Variants in LRRC28 observed in about 807,000 individuals in gnomAD.
The protein encoded by LRRC28 is leucine-rich repeat-containing protein 28.
A neutral mutation model predicts 45.7 loss-of-function variants in LRRC28; 39 were observed. The observed-to-expected ratio is 0.85, with a 90% CI of 0.66 to 1.12. The LOEUF (loss-of-function observed/expected upper bound fraction) is 1.12, where lower values mean the gene tolerates loss of function less well. Ranked by LOEUF, LRRC28 falls within the 50% of genes most tolerant of loss-of-function variation. The probability of loss-of-function intolerance (pLI) is 0.00; values close to 1 mark genes in which losing one functional copy is unlikely to be tolerated. For missense variants in LRRC28, 435 were observed against 438.5 expected, an observed-to-expected ratio of 0.99 and a Z score of 0.07; for synonymous variants, 206 against 178.8, an observed-to-expected ratio of 1.15 and a Z score of -1.22.
intron 1 of LRRC28, among the ~76,000 whole-genome samples, chr15:99,253,758 G>T (rs2080934540): frequency 6.6e-6 from 1 of 152,246 alleles, no homozygotes; most frequent in Non-Finnish European, 1.5e-5. Flanking sequence ...GTGGACACAG[G>T]GAGACTGGTA....
chr15:99,285,051 G>T (rs1270870777), intron 3 of LRRC28: 2 of 662,076 alleles, frequency 3.0e-6, no homozygotes, highest in East Asian at 5.9e-5. Flanking sequence ...GGGCTTTCCT[G>T]ACTTCACAGT....
intron 2 of LRRC28, chr15:99,257,725 A>G: frequency 1.3e-6 from 1 of 777,078 alleles, no homozygotes; most frequent in South Asian, 1.3e-5. Context: ...GGTACAGTAG[A>G]AGAGGATCTG....
chr15:99,259,854 C>A, intron 2 of LRRC28: 3 of 814,764 alleles, frequency 3.7e-6, no homozygotes, highest in Non-Finnish European at 6.6e-6. Flanking sequence ...GAATGCCTTG[C>A]CTCAGTTTGA....
intron 5 of LRRC28, among the ~76,000 whole-genome samples, chr15:99,328,803 C>G (rs887164584): frequency 2.0e-5 from 3 of 151,032 alleles, no homozygotes; most frequent in African/African-American, 7.3e-5. Context: ...GTTTGACATC[C>G]TTTGGGCTCC....
chr15:99,302,218 G>A (rs910811397), intron 5 of LRRC28, among the ~76,000 whole-genome samples: 24 of 151,898 alleles, frequency 1.6e-4, no homozygotes, highest in African/African-American at 5.5e-4. Context: ...TAGTAGAGAT[G>A]GGGTTTCATC....
intron 2 of LRRC28, chr15:99,258,696 C>G (rs1282522447): frequency 4.2e-6 from 3 of 718,244 alleles, no homozygotes; most frequent in African/African-American, 1.7e-5. Flanking sequence ...TTCTGCAAAT[C>G]ATTTTCAAAG....
intron 9 of LRRC28, among the ~76,000 whole-genome samples, chr15:99,383,190 C>T (rs1211237927): frequency 6.6e-6 from 1 of 152,144 alleles, no homozygotes; most frequent in Non-Finnish European, 1.5e-5. Context: ...CTGTCTCTGG[C>T]CTTTGGCTTG....
At chr15:99,276,687 T>C (rs1362796820) in intron 3 of LRRC28, 71 bp downstream of exon 3, 5 of 1,204,320 alleles carry the variant, frequency 4.2e-6, no homozygotes, top group Non-Finnish European at 5.7e-6. Flanking sequence ...AATAATAGGA[T>C]ATGTCATCTT....
chr15:99,301,189 A>G (rs559966168), intron 5 of LRRC28, among the ~76,000 whole-genome samples: 4 of 152,236 alleles, frequency 2.6e-5, no homozygotes, highest in African/African-American at 9.6e-5. Flanking sequence ...ATTATTTAGC[A>G]ATCTAAGAGT....
At chr15:99,340,458 C>T (rs1956470713) in intron 6 of LRRC28, among the ~76,000 whole-genome samples, 1 of 152,126 alleles carries the variant, frequency 6.6e-6, no homozygotes, top group Non-Finnish European at 1.5e-5. Flanking sequence ...ATAAAAAAGT[C>T]CACACAGTAA....
At chr15:99,255,044 C>G (rs1244526825) in intron 1 of LRRC28, among the ~76,000 whole-genome samples, 1 of 152,020 alleles carries the variant, frequency 6.6e-6, no homozygotes, top group Non-Finnish European at 1.5e-5. Flanking sequence ...TCTTTGATGC[C>G]TCTGATAATC....
intron 5 of LRRC28, among the ~76,000 whole-genome samples, chr15:99,298,215 A>G (rs2082314828): frequency 2.0e-5 from 3 of 152,214 alleles, no homozygotes; most frequent in South Asian, 2.1e-4. Context: ...TTCACTTCAC[A>G]TGCAGTACTT....
rs143458190 is a variant in LRRC28 at position 99,305,024 on chromosome 15, G to A, written c.385+17073G>A. On this transcript the variant is annotated intron_variant, in intron 5 of 9. Coordinates refer to ENST00000301981, the MANE Select transcript of LRRC28 (RefSeq NM_144598.5). ...CCACCCCAATCTTGTGGACCTGCTC[G>A]CGTGCATCACTGATGGCCAGATCTT... Among the ~76,000 whole-genome samples the A allele has an allele frequency of 1.8e-4, 27 of 152,246 alleles. 1 individual carries two copies. The East Asian group carries it at 4.0e-3, about 23-fold the overall frequency.
intron 2 of LRRC28, among the ~76,000 whole-genome samples, chr15:99,261,233 G>A (rs778640559): frequency 5.3e-5 from 8 of 152,130 alleles, no homozygotes; most frequent in Non-Finnish European, 1.0e-4. Context: ...TTACAAAACC[G>A]GTATATGCCC....
intron 5 of LRRC28, among the ~76,000 whole-genome samples, chr15:99,328,306 C>T (rs964081133): frequency 3.3e-5 from 5 of 152,084 alleles, no homozygotes; most frequent in Admixed American, 6.6e-5. Flanking sequence ...AAGATGAGAA[C>T]GCCTAACATA....
chr15:99,330,447 C>T (rs1956123891), intron 5 of LRRC28, among the ~76,000 whole-genome samples: 1 of 152,006 alleles, frequency 6.6e-6, no homozygotes, highest in Admixed American at 6.6e-5. Context: ...TTATAGTTGA[C>T]TTATTTTTCT....
chr15:99,274,678 T>C (rs184280335), intron 2 of LRRC28, among the ~76,000 whole-genome samples: 29 of 152,368 alleles, frequency 1.9e-4, no homozygotes, highest in Admixed American at 1.1e-3. Context: ...AACTTTCTAG[T>C]ACCTAACACG....
At chr15:99,290,701 C>A (rs1055538665) in intron 5 of LRRC28, among the ~76,000 whole-genome samples, 3 of 151,972 alleles carry the variant, frequency 2.0e-5, no homozygotes, top group Non-Finnish European at 4.4e-5. Context: ...TGTAATCCCA[C>A]CACTTTGGGA....
At chr15:99,252,339 G>A (rs538853378) in intron 1 of LRRC28, among the ~76,000 whole-genome samples, 1 of 152,322 alleles carries the variant, frequency 6.6e-6, no homozygotes, top group Admixed American at 6.5e-5. Context: ...GGCAGTTTTA[G>A]GATTTCATTT....
Sources: gnomAD v4.1 joint callset for allele counts (sites outside exome capture counted in the v4.1 genomes callset) on GRCh38, gnomAD v4.1.1 for gene constraint, MANE v1.5 for transcripts, NCBI Gene and HGNC (gene_info 2026-07-23, HGNC 2026-07-21) for gene names.